MUC7: variants seen among roughly 807,000 people sequenced by gnomAD.
MUC7 encodes mucin-7.
MUC7 carries 2 observed loss-of-function variants against 2.5 expected under a neutral mutation model. The observed-to-expected ratio is 0.81, with a 90% CI of 0.33 to 2.55. MUC7 has a LOEUF of 2.55. Ranked by LOEUF, MUC7 falls within the 30% of genes most tolerant of loss-of-function variation. The pLI is 0.11. For synonymous variants in MUC7, 133 were observed against 173.4 expected, an observed-to-expected ratio of 0.77 and a Z score of 1.83; for missense variants, 408 against 455.6, an observed-to-expected ratio of 0.90 and a Z score of 0.95.
chr4:70,436,446 A>C (rs1182325864), intron 1 of MUC7, among the ~76,000 whole-genome samples: 2 of 151,818 alleles, frequency 1.3e-5, no homozygotes, highest in African/African-American at 4.8e-5. Context: ...TTATTTCATT[A>C]ATTTGATCTT....
intron 1 of MUC7, among the ~76,000 whole-genome samples, chr4:70,465,051 C>T (rs896875692): frequency 4.6e-5 from 7 of 152,166 alleles, no homozygotes; most frequent in Non-Finnish European, 8.8e-5. Flanking sequence ...CCAGATGAAG[C>T]AACAGGCAGC....
Position 70,464,558 on chromosome 4 carries a change from C to T in MUC7, c.-92-7657C>T, listed in dbSNP as rs1432660499. On this transcript the variant is annotated intron_variant, in intron 1 of 3. Transcript: ENST00000413702. ...TCAATCTGGGAATCTCAAGCGTGGT[C>T]GGGGGAGGGGAATCTGCCATTACTG... Among the ~76,000 whole-genome samples the T allele has an allele frequency of 3.3e-5, 5 of 152,016 alleles. No homozygotes were observed. In the East Asian group the frequency reaches 7.7e-4, roughly 23 times the overall value.
intron 1 of MUC7, among the ~76,000 whole-genome samples, chr4:70,451,778 T>C (rs1734287487): frequency 6.6e-6 from 1 of 152,224 alleles, no homozygotes; most frequent in Non-Finnish European, 1.5e-5. Flanking sequence ...ATTAGGTCTA[T>C]TTGTTCTATA....
chr4:70,462,698 T>A (rs1165283356), intron 1 of MUC7, among the ~76,000 whole-genome samples: 1 of 152,180 alleles, frequency 6.6e-6, no homozygotes, highest in Non-Finnish European at 1.5e-5. Flanking sequence ...CTCTGCCTGG[T>A]GCAATGGCTC....
Position 70,438,657 on chromosome 4 carries a change from C to T in MUC7, c.-93+7970C>T, listed in dbSNP as rs371023022. Among the ~76,000 whole-genome samples, 11 of 152,108 alleles carry T rather than the reference C, an allele frequency of 7.2e-5. No individual in the cohort carries two copies. The South Asian group carries it at 1.0e-3, about 14-fold the overall frequency. ...TTTTTTAGTAGAGATGAGGTTTCAC[C>T]ATGTTGGCCAGGCTGGTCTTGAACT... On this transcript the variant is annotated intron_variant, in intron 1 of 3. Coordinates refer to the MUC7 transcript ENST00000413702.
chr4:70,447,468 A>G (rs1358678966), intron 1 of MUC7, among the ~76,000 whole-genome samples: 1 of 152,200 alleles, frequency 6.6e-6, no homozygotes, highest in East Asian at 1.9e-4. Flanking sequence ...TCCAATCCAA[A>G]TAAGTTATGA....
chr4:70,436,331 G>A (rs1378045922), intron 1 of MUC7, among the ~76,000 whole-genome samples: 1 of 152,074 alleles, frequency 6.6e-6, no homozygotes, highest in Non-Finnish European at 1.5e-5. Flanking sequence ...TCACTTTAAG[G>A]TATACCAATC....
At chr4:70,468,410 G>A (rs1451302075), upstream of MUC7, among the ~76,000 whole-genome samples, 1 of 152,096 alleles carries the variant, frequency 6.6e-6, no homozygotes, top group Non-Finnish European at 1.5e-5. Flanking sequence ...TTCTGGCCAG[G>A]GGAATCAGGC....
chr4:70,440,578 A>G (rs1733977604), intron 1 of MUC7, among the ~76,000 whole-genome samples: 1 of 152,220 alleles, frequency 6.6e-6, no homozygotes, highest in Non-Finnish European at 1.5e-5. Flanking sequence ...ATATGTTCCA[A>G]AATAGATAGA....
intron 1 of MUC7, among the ~76,000 whole-genome samples, chr4:70,452,740 T>C (rs1439993669): frequency 6.6e-6 from 1 of 152,220 alleles, no homozygotes; most frequent in Non-Finnish European, 1.5e-5. Context: ...AATTACAGTG[T>C]TACAATACTC....
intron 1 of MUC7, among the ~76,000 whole-genome samples, chr4:70,435,740 C>T (rs747485106): frequency 6.6e-6 from 1 of 152,150 alleles, no homozygotes; most frequent in Non-Finnish European, 1.5e-5. Context: ...TTGATCCTGT[C>T]GTTATGATGC....
chr4:70,436,346 G>A (rs2130650), intron 1 of MUC7, among the ~76,000 whole-genome samples: 14,571 of 152,162 alleles, frequency 0.096, 917 homozygotes, highest in East Asian at 0.19. Flanking sequence ...CCAATCAAAC[G>A]TAGATTTGGT....
chr4:70,455,180 C>T (rs559694004), intron 1 of MUC7, among the ~76,000 whole-genome samples: 2 of 151,870 alleles, frequency 1.3e-5, no homozygotes, highest in East Asian at 3.9e-4. Context: ...CATATATTGT[C>T]TTCCACAACA....
intron 2 of MUC7, 31 bp downstream of exon 2, chr4:70,474,106 T>A: frequency 6.3e-7 from 1 of 1,576,938 alleles, no homozygotes; most frequent in Non-Finnish European, 8.7e-7. Flanking sequence ...GTTTTTTCCT[T>A]AACTATCAAT....
At chr4:70,445,122 G>A (rs1734100057) in intron 1 of MUC7, among the ~76,000 whole-genome samples, 1 of 152,104 alleles carries the variant, frequency 6.6e-6, no homozygotes, top group Non-Finnish European at 1.5e-5. Flanking sequence ...TCCCTCAACT[G>A]CTCTGTTTAC....
chr4:70,481,226 C>T lies in MUC7; in HGVS notation c.482C>T (p.Ala161Val), dbSNP rs138905284. Residue 161 changes from alanine to valine, a missense_variant, in exon 3 of 3, where the codon GCT becomes GTT. Transcript: ENST00000304887. Reference sequence around the variant, plus strand: ...ACATTAGCACCAGTGAATTCCCCAGCTCCACAAGACACCACAGCTGCCCCA... The same window carrying T: ...ACATTAGCACCAGTGAATTCCCCAGTTCCACAAGACACCACAGCTGCCCCA... ...VATLAPVNSP[A>V]PQDTTAAPPT... 1,435 of 1,614,200 alleles carry T rather than the reference C, an allele frequency of 8.9e-4. 4 individuals are homozygous for T. Among genetic ancestry groups the T allele is most frequent in the Non-Finnish European group, 9.7e-4 (1,145 of 1,180,024 alleles).
intron 1 of MUC7, among the ~76,000 whole-genome samples, chr4:70,455,834 C>G (rs1734397546): frequency 6.6e-6 from 1 of 152,128 alleles, no homozygotes; most frequent in Admixed American, 6.6e-5. Context: ...TATTTCCAGT[C>G]TAAGCCCATG....
intron 1 of MUC7, among the ~76,000 whole-genome samples, chr4:70,434,161 G>A (rs563119922): frequency 7.2e-4 from 109 of 152,166 alleles, no homozygotes; most frequent in African/African-American, 2.5e-3. Context: ...ATGTTCATTA[G>A]CAAAACTGGC....
intron 1 of MUC7, among the ~76,000 whole-genome samples, chr4:70,466,390 A>G (rs1734683761): frequency 6.6e-6 from 1 of 152,248 alleles, no homozygotes; most frequent in Non-Finnish European, 1.5e-5. Flanking sequence ...TAACGACAGG[A>G]TCAAATTCAT....
Sources: gnomAD v4.1 joint callset for allele counts (sites outside exome capture counted in the v4.1 genomes callset) on GRCh38, gnomAD v4.1.1 for gene constraint, MANE v1.5 for transcripts, NCBI Gene and HGNC (gene_info 2026-07-23, HGNC 2026-07-21) for gene names.